DYNC2H1: variants seen among roughly 807,000 people sequenced by gnomAD.
DYNC2H1 encodes the protein dynein cytoplasmic 2 heavy chain 1, also known as cytoplasmic dynein 2 heavy chain 1.
Under a neutral mutation model 570.0 loss-of-function variants are expected in DYNC2H1, and 410 were observed. The ratio of observed to expected loss-of-function variants is 0.72; its 90% CI spans 0.66 to 0.78. The LOEUF (loss-of-function observed/expected upper bound fraction) is 0.78, where lower values mean the gene tolerates loss of function less well. Ranked by LOEUF, DYNC2H1 falls within the 30% of genes least tolerant of loss-of-function variation. The pLI, the probability that DYNC2H1 is intolerant of heterozygous loss-of-function variation, is 0.00. For synonymous variants in DYNC2H1, 1,688 were observed against 1,677.6 expected (o/e 1.01, Z -0.15); for missense variants, 4,865 against 5,046.4 (o/e 0.96, Z 1.09).
At chr11:103,409,630 AAATT>A (rs1943000805) in intron 84 of DYNC2H1, 2 of 153,274 alleles carry the variant, frequency 1.3e-5, no homozygotes, top group Middle Eastern at 3.1e-3. Flanking sequence ...GCCTTTATTA[AAATT>A]AATTAGAGGA....
intron 6 of DYNC2H1, among the ~76,000 whole-genome samples, chr11:103,118,283 A>G (rs1237192897): frequency 1.3e-5 from 2 of 152,036 alleles, no homozygotes; most frequent in Non-Finnish European, 2.9e-5. Context: ...GCAAAATGAG[A>G]TTACTTAAAG....
intron 54 of DYNC2H1, among the ~76,000 whole-genome samples, chr11:103,214,662 G>A (rs1013264411): frequency 6.6e-6 from 1 of 151,472 alleles, no homozygotes; most frequent in African/African-American, 2.4e-5. Context: ...AGGCTGGTCT[G>A]GAACTCCTGA....
chr11:103,391,395 C>T (rs1739338462), intron 83 of DYNC2H1, among the ~76,000 whole-genome samples: 1 of 152,152 alleles, frequency 6.6e-6, no homozygotes. Flanking sequence ...GTTAGCCATT[C>T]ATCTAATCTT....
intron 82 of DYNC2H1, among the ~76,000 whole-genome samples, 156 bp from the exon 83 acceptor site, chr11:103,358,087 A>G (rs150116262): frequency 3.4e-3 from 512 of 152,358 alleles, no homozygotes; most frequent in Non-Finnish European, 5.7e-3. Flanking sequence ...TAAAATATTA[A>G]GCCAATTGAA....
chr11:103,168,627 T>A (rs1861434124), intron 31 of DYNC2H1, 128 bp from the exon 32 acceptor site: 1 of 965,926 alleles, frequency 1.0e-6, no homozygotes, highest in South Asian at 1.6e-5. Context: ...TGTATTACTA[T>A]ACCATTCATA....
Position 103,181,980 on chromosome 11 carries a change from G to T in DYNC2H1, c.6477+94G>T. ...ACTTCCTTGTGGTAGAACTCTGCTGGAATGTGGGTGTGAGGTGAGAGGTGG... is the reference window on the plus strand; with the variant it reads ...ACTTCCTTGTGGTAGAACTCTGCTGTAATGTGGGTGTGAGGTGAGAGGTGG... On this transcript the variant is annotated intron_variant, in intron 40 of 88. Transcript: ENST00000375735. This position sits in a 1 kb window ranked among gnomAD's most constrained non-coding sequence, Gnocchi z 5.0. 5 of 1,387,400 alleles carry T rather than the reference G, an allele frequency of 3.6e-6. No homozygotes were observed. Among genetic ancestry groups the T allele is most frequent in the Non-Finnish European group, 3.9e-6 (4 of 1,020,944 alleles). The allele number at this position is 1,387,400 out of a possible 1,614,324, so 85.9% of individuals were successfully genotyped here. A position where few individuals can be genotyped will look rare whatever the true frequency, so the allele number is the denominator to read the frequency against.
At chr11:103,166,123 G>A in intron 31 of DYNC2H1, 75 bp downstream of exon 31, 5 of 1,251,170 alleles carry the variant, frequency 4.0e-6, no homozygotes, top group Non-Finnish European at 5.4e-6. Context: ...TACCTATTGT[G>A]TTTTTGACTG....
chr11:103,198,066 A>AT lies in DYNC2H1; in HGVS notation c.7839+4dup. ...ATCTCAAGGATGTTATTAAAAAGGTATAATATGAATCATTAATTGGAACTG... is the reference window on the plus strand; with the variant it reads ...ATCTCAAGGATGTTATTAAAAAGGTATTAATATGAATCATTAATTGGAACTG... On this transcript the variant is annotated splice_donor_region_variant and intron_variant, in intron 48 of 88. Transcript: ENST00000375735. The AT allele has an allele frequency of 6.4e-7, 1 of 1,550,804 alleles. No homozygotes were observed. Among genetic ancestry groups the AT allele is most frequent in the Middle Eastern group, 1.7e-4 (1 of 5,990 alleles).
chr11:103,386,771 A>G (rs1349592531), intron 83 of DYNC2H1, among the ~76,000 whole-genome samples: 2 of 151,896 alleles, frequency 1.3e-5, no homozygotes, highest in Non-Finnish European at 2.9e-5. Context: ...TGTCCTTGCA[A>G]TAGTTTGCTG....
intron 88 of DYNC2H1, among the ~76,000 whole-genome samples, chr11:103,477,122 G>A (rs1945576523): frequency 6.6e-6 from 1 of 152,174 alleles, no homozygotes; most frequent in South Asian, 2.1e-4. Context: ...TACAGGGTCA[G>A]GAGCTCCTAG....
At chr11:103,359,323 T>A (rs565884441) in intron 83 of DYNC2H1, among the ~76,000 whole-genome samples, 4 of 152,334 alleles carry the variant, frequency 2.6e-5, no homozygotes, top group African/African-American at 9.6e-5. Flanking sequence ...CACTTTTTTT[T>A]AAACTACATT....
At chr11:103,295,423 G>T (rs905663654) in intron 75 of DYNC2H1, among the ~76,000 whole-genome samples, 1 of 152,228 alleles carries the variant, frequency 6.6e-6, no homozygotes, top group Non-Finnish European at 1.5e-5. Context: ...TATCTGCGAA[G>T]CTAGGACACA....
In DYNC2H1 at chr11:103,253,270, G is replaced by GT. The variant is rs571044263; in HGVS notation, c.10043-7dup. ...GAAGATTCAGACCAACCAATTGTGT[G>GT]TTTTTTTTAAATAGGACCACGTTAT... On this transcript the variant is annotated splice_polypyrimidine_tract_variant and intron_variant, in intron 65 of 88. Transcript: ENST00000375735. 22 of 1,584,714 alleles carry GT rather than the reference G, an allele frequency of 1.4e-5. No individual in the cohort carries two copies. The highest frequency in any genetic ancestry group is 6.8e-5 in the East Asian group (3 of 44,400).
intron 85 of DYNC2H1, among the ~76,000 whole-genome samples, chr11:103,451,859 A>T (rs758658201): frequency 3.3e-5 from 5 of 152,138 alleles, no homozygotes; most frequent in Admixed American, 1.3e-4. Context: ...CCACTTTGTT[A>T]ATGTTATTAA....
intron 80 of DYNC2H1, among the ~76,000 whole-genome samples, chr11:103,317,387 T>G (rs998073693): frequency 1.3e-5 from 2 of 151,602 alleles, no homozygotes; most frequent in Admixed American, 6.6e-5. Flanking sequence ...TTTCTCATCC[T>G]CAGACATCCA....
chr11:103,417,316 T>G (rs2514400), intron 84 of DYNC2H1, among the ~76,000 whole-genome samples: 75,793 of 151,706 alleles, frequency 0.5, 19,054 homozygotes, highest in South Asian at 0.6. Context: ...TTGGTCAGGA[T>G]GGTCTCGATC....
chr11:103,240,842 T>A lies in DYNC2H1; in HGVS notation c.9820-2851T>A, dbSNP rs1381959928. The stretch of plus-strand genomic sequence containing the variant: ...TTCCCATTGTCTGCAGTATAAAAAT[T>A]TCATTATCCTTAGACATGGCATAAA... On this transcript the variant is annotated intron_variant, in intron 63 of 88. Transcript: ENST00000375735. Among the ~76,000 whole-genome samples, 6 of 152,260 alleles carry A rather than the reference T, an allele frequency of 3.9e-5. No individual in the cohort carries two copies. The East Asian group carries it at 1.2e-3, about 29-fold the overall frequency.
intron 82 of DYNC2H1, among the ~76,000 whole-genome samples, chr11:103,330,262 T>C (rs1216456895): frequency 2.0e-5 from 3 of 151,818 alleles, no homozygotes; most frequent in African/African-American, 7.2e-5. Flanking sequence ...TTTCATTTCA[T>C]TGCTGAAGAA....
chr11:103,173,256 G>T lies in DYNC2H1; in HGVS notation c.5509G>T (p.Asp1837Tyr). The T allele has an allele frequency of 6.3e-7, 1 of 1,599,008 alleles. No homozygotes were observed. Among genetic ancestry groups the T allele is most frequent in the East Asian group, 2.3e-5 (1 of 43,466 alleles). Residue 1837 changes from aspartate to tyrosine, a missense_variant, in exon 35 of 89, where the codon GAC (aspartate) becomes TAC (tyrosine). This residue lies in a region of DYNC2H1 where 292 missense variants were observed against 300.2 expected (regional missense o/e 0.97). Transcript: ENST00000375735. ...TATTCTCTATTCGGAAGGCTTTAAA[G>T]ACGCTAAAGTATTGAGCAGAAAATT... ...EVILYSEGFK[D>Y]AKVLSRKLVA...
Sources: allele counts gnomAD v4.1 joint callset (sites outside exome capture counted in the v4.1 genomes callset), GRCh38; gene constraint gnomAD v4.1.1; regional missense constraint gnomAD v4.1.1; non-coding constraint Gnocchi (gnomAD v3.1); transcripts MANE v1.5; gene names NCBI Gene and HGNC (gene_info 2026-07-23, HGNC 2026-07-21).